COL24A1: variants seen among roughly 807,000 people sequenced by gnomAD.
The protein encoded by COL24A1 is collagen type XXIV alpha 1 chain.
In COL24A1, 224 loss-of-function variants were observed where a neutral mutation model predicts 253.9. That is an observed-to-expected ratio of 0.88 (90% CI 0.79 to 0.99). COL24A1 has a LOEUF of 0.99. Among genes scored for constraint, COL24A1 ranks in the 50% least tolerant of loss-of-function variants. The pLI is 0.00. For missense variants in COL24A1, 2,131 were observed against 2,068.5 expected (o/e 1.03, Z -0.59); for synonymous variants, 685 against 673.7 (o/e 1.02, Z -0.26).
At chr1:86,071,162 AAGCTGTCATC>A (rs1343902311) in intron 7 of COL24A1, among the ~76,000 whole-genome samples, 1 of 152,170 alleles carries the variant, frequency 6.6e-6, no homozygotes, top group Non-Finnish European at 1.5e-5. Flanking sequence ...AATCAGCATT[AAGCTGTCATC>A]AGTTTAAAAT....
At chr1:86,039,850 A>C (rs566575121) in intron 12 of COL24A1, among the ~76,000 whole-genome samples, 1 of 152,278 alleles carries the variant, frequency 6.6e-6, no homozygotes, top group African/African-American at 2.4e-5. Flanking sequence ...CTGGAGTGTG[A>C]AGTATTCTGT....
At chr1:85,755,484 A>G (rs1375087427) in intron 55 of COL24A1, among the ~76,000 whole-genome samples, 1 of 152,116 alleles carries the variant, frequency 6.6e-6, no homozygotes, top group Admixed American at 6.6e-5. Context: ...AAAACTTACT[A>G]TAAAGCTGCT....
intron 5 of COL24A1, among the ~76,000 whole-genome samples, chr1:86,103,961 A>G (rs1704701509): frequency 6.6e-6 from 1 of 152,126 alleles, no homozygotes; most frequent in African/African-American, 2.4e-5. Flanking sequence ...CTCATGGATG[A>G]TATCCTGAAA....
chr1:85,795,170 C>G (rs952152556), intron 47 of COL24A1, among the ~76,000 whole-genome samples: 44 of 152,136 alleles, frequency 2.9e-4, no homozygotes, highest in African/African-American at 1.0e-3. Flanking sequence ...ACTTTGACTT[C>G]CCTCTGGGAA....
chr1:86,112,691 C>G, intron 4 of COL24A1, 71 bp from the exon 5 acceptor site: 2 of 1,391,706 alleles, frequency 1.4e-6, no homozygotes, highest in Non-Finnish European at 2.0e-6. Context: ...TGCTTACTTT[C>G]CTCTCAACAT....
Position 85,781,283 on chromosome 1 carries a change from TA to T in COL24A1, c.4285-11del. 1 of 1,587,136 alleles carries T rather than the reference TA, an allele frequency of 6.3e-7. No individual in the cohort carries two copies. ...GGGGACCAGTGTTTCCCTGTTGAGG[TA>T]AAAGAAAAACAGTCTCACTGTTAGT... On this transcript the variant is annotated splice_polypyrimidine_tract_variant and intron_variant, in intron 51 of 59. Coordinates refer to ENST00000370571, the MANE Select transcript of COL24A1 (RefSeq NM_152890.7).
At chr1:85,977,381 C>T (rs928724877) in intron 20 of COL24A1, among the ~76,000 whole-genome samples, 4 of 151,982 alleles carry the variant, frequency 2.6e-5, no homozygotes, top group Non-Finnish European at 4.4e-5. Context: ...CTCTGAATTG[C>T]CAGATAAAGA....
intron 20 of COL24A1, among the ~76,000 whole-genome samples, chr1:85,974,727 T>C (rs552987203): frequency 3.9e-5 from 6 of 152,286 alleles, no homozygotes; most frequent in African/African-American, 1.4e-4. Flanking sequence ...TGCACATATG[T>C]TTCATATTTA....
intron 20 of COL24A1, among the ~76,000 whole-genome samples, chr1:85,976,177 T>G (rs1452152182): frequency 2.0e-5 from 3 of 151,910 alleles, no homozygotes; most frequent in African/African-American, 7.3e-5. Context: ...AGGCCAACAG[T>G]ATTTGAAGGC....
chr1:85,847,805 G>T (rs745693177), intron 38 of COL24A1, 33 bp from the exon 39 acceptor site: 3 of 1,432,446 alleles, frequency 2.1e-6, no homozygotes, highest in Middle Eastern at 3.6e-4. Context: ...AGAAAAGCAA[G>T]AAAAAAATTT....
intron 37 of COL24A1, among the ~76,000 whole-genome samples, chr1:85,859,999 C>T (rs907086962): frequency 9.9e-5 from 15 of 152,038 alleles, no homozygotes; most frequent in Admixed American, 7.9e-4. Context: ...TTATCTATGT[C>T]ATGTTGATTG....
At chr1:85,990,767 A>G (rs1414799437) in intron 19 of COL24A1, among the ~76,000 whole-genome samples, 1 of 152,226 alleles carries the variant, frequency 6.6e-6, no homozygotes, top group Non-Finnish European at 1.5e-5. Context: ...AATGGATTGA[A>G]ACACATCAAA....
chr1:86,130,935 A>G (rs1406726773), intron 2 of COL24A1, among the ~76,000 whole-genome samples: 1 of 151,970 alleles, frequency 6.6e-6, no homozygotes, highest in Non-Finnish European at 1.5e-5. Context: ...TTTATCCTCT[A>G]TTAGTTTCCT....
chr1:85,898,165 C>T (rs1025420764), intron 28 of COL24A1, among the ~76,000 whole-genome samples: 3 of 152,180 alleles, frequency 2.0e-5, no homozygotes, highest in African/African-American at 7.2e-5. Context: ...AATAATTTGG[C>T]AGAAAACTGA....
intron 47 of COL24A1, among the ~76,000 whole-genome samples, chr1:85,801,972 C>A (rs1671474686): frequency 6.6e-6 from 1 of 152,106 alleles, no homozygotes; most frequent in Admixed American, 6.5e-5. Context: ...GTCTCCCAAT[C>A]AAATATCAAG....
Position 86,051,805 on chromosome 1 carries a change from T to A in COL24A1, c.1852-1628A>T, listed in dbSNP as rs1571749922. 2.0e-5 allele frequency among the ~76,000 whole-genome samples: 3 copies of A among 152,254 alleles called. No individual in the cohort carries two copies. The East Asian group carries it at 5.8e-4, about 29-fold the overall frequency. On this transcript the variant is annotated intron_variant, in intron 10 of 59. Coordinates refer to ENST00000370571, the MANE Select transcript of COL24A1 (RefSeq NM_152890.7). ...TACAGCTGGACTGATAGACAAATGT[T>A]AACCACTGATAGAAATATGGAAAAC...
At chr1:85,905,049 G>A (rs1684674603) in intron 28 of COL24A1, among the ~76,000 whole-genome samples, 1 of 152,060 alleles carries the variant, frequency 6.6e-6, no homozygotes, top group South Asian at 2.1e-4. Context: ...ATCACAGTCA[G>A]AACAGCAAGA....
chr1:86,083,107 C>G (rs1051640827), intron 7 of COL24A1, among the ~76,000 whole-genome samples: 1 of 151,918 alleles, frequency 6.6e-6, no homozygotes, highest in Admixed American at 6.6e-5. Flanking sequence ...ACCATTCTGG[C>G]TAACACGGTG....
chr1:86,101,013 C>T (rs563540115), intron 5 of COL24A1, among the ~76,000 whole-genome samples: 2 of 151,972 alleles, frequency 1.3e-5, no homozygotes, highest in South Asian at 4.1e-4. Flanking sequence ...TCATGGGAAC[C>T]CCTGAGCTTG....
Sources: allele counts gnomAD v4.1 joint callset (sites outside exome capture counted in the v4.1 genomes callset), GRCh38; gene constraint gnomAD v4.1.1; transcripts MANE v1.5; gene names NCBI Gene and HGNC (gene_info 2026-07-23, HGNC 2026-07-21).